The following HMGCLL1 variants were observed in gnomAD, a reference collection of about 807,000 sequenced individuals.
HMGCLL1 encodes the protein 3-hydroxymethyl-3-methylglutaryl-CoA lyase, cytoplasmic.
Under a neutral mutation model 39.1 loss-of-function variants are expected in HMGCLL1, and 36 were observed. That is an observed-to-expected ratio of 0.92 (90% CI 0.71 to 1.22). HMGCLL1 has a LOEUF of 1.22. HMGCLL1 is among the 50% of genes most tolerant of loss of function. HMGCLL1 has a pLI of 0.00. For synonymous variants in HMGCLL1, 149 were observed against 144.0 expected (o/e 1.03, Z -0.25); for missense variants, 451 against 416.5 (o/e 1.08, Z -0.72).
the HMGCLL1 span, among the ~76,000 whole-genome samples, chr6:55,672,262 G>C: frequency 1.3e-5 from 2 of 151,638 alleles, no homozygotes; most frequent in Non-Finnish European, 3.0e-5. Context: ...TAAAATTACT[G>C]ATTGCTTAAA....
intron 4 of HMGCLL1, among the ~76,000 whole-genome samples, chr6:55,515,407 G>T (rs925247120): frequency 5.3e-5 from 8 of 151,974 alleles, no homozygotes; most frequent in Non-Finnish European, 1.2e-4. Flanking sequence ...TCTACTATTT[G>T]TCTGTACTGT....
At chr6:55,534,427 A>T (rs1396310514) in intron 3 of HMGCLL1, among the ~76,000 whole-genome samples, 2 of 152,226 alleles carry the variant, frequency 1.3e-5, no homozygotes, top group African/African-American at 4.8e-5. Context: ...GTAATGCTAT[A>T]AAATTTACAA....
intron 7 of HMGCLL1, among the ~76,000 whole-genome samples, chr6:55,486,720 T>C (rs749105721): frequency 1.3e-5 from 2 of 152,180 alleles, no homozygotes; most frequent in Admixed American, 6.6e-5. Flanking sequence ...CTCTCTCATA[T>C]GATTCTTCCA....
At chr6:55,638,407 C>CAAAAAAAAAAAAAAAAA in the HMGCLL1 span, among the ~76,000 whole-genome samples, 1 of 132,772 alleles carries the variant, frequency 7.5e-6, no homozygotes, top group African/African-American at 2.8e-5. Context: ...AACTCAGTCT[C>CAAAAAAAAAAAAAAAAA]AAAAAAAAAA....
At chr6:55,510,914 T>C (rs965587852) in intron 5 of HMGCLL1, among the ~76,000 whole-genome samples, 1 of 151,620 alleles carries the variant, frequency 6.6e-6, no homozygotes, top group Admixed American at 6.6e-5. Context: ...CTTTTTAAAT[T>C]AATACTCTCA....
chr6:55,651,491 C>T, the HMGCLL1 span, among the ~76,000 whole-genome samples: 5 of 152,194 alleles, frequency 3.3e-5, no homozygotes, highest in East Asian at 9.7e-4. Context: ...CTTCATTATC[C>T]TCTTCTTAAG....
At chr6:55,449,490 G>A (rs1334111126) in intron 7 of HMGCLL1, among the ~76,000 whole-genome samples, 4 of 152,176 alleles carry the variant, frequency 2.6e-5, no homozygotes, top group African/African-American at 9.7e-5. Context: ...AAATCAGTGA[G>A]AAACAAACAT....
At chr6:55,569,633 G>C (rs188336336) in intron 1 of HMGCLL1, among the ~76,000 whole-genome samples, 30 of 152,266 alleles carry the variant, frequency 2.0e-4, no homozygotes, top group African/African-American at 7.0e-4. Context: ...TGAGCTACTG[G>C]ATGTAAACAG....
intron 3 of HMGCLL1, among the ~76,000 whole-genome samples, chr6:55,528,393 A>C (rs1561938886): frequency 6.6e-6 from 1 of 152,082 alleles, no homozygotes; most frequent in Non-Finnish European, 1.5e-5. Context: ...AAATTCAGTA[A>C]TGAGAAAAAA....
chr6:55,474,795 T>C (rs1213739024), intron 7 of HMGCLL1, among the ~76,000 whole-genome samples: 2 of 151,616 alleles, frequency 1.3e-5, no homozygotes, highest in Non-Finnish European at 3.0e-5. Context: ...AGGAGTTTGG[T>C]TGCATTTAAT....
chr6:55,582,136 G>T (rs1043013544), upstream of HMGCLL1, among the ~76,000 whole-genome samples: 1 of 152,160 alleles, frequency 6.6e-6, no homozygotes, highest in Non-Finnish European at 1.5e-5. Context: ...GTTGGTTCTA[G>T]ATTATCTATG....
At chr6:55,519,740 T>C (rs1283610769) in intron 3 of HMGCLL1, among the ~76,000 whole-genome samples, 1 of 152,122 alleles carries the variant, frequency 6.6e-6, no homozygotes, top group African/African-American at 2.4e-5. Flanking sequence ...ATTAGAGACA[T>C]ATGTATTCTC....
chr6:55,460,482 T>C (rs1764509836), intron 7 of HMGCLL1, among the ~76,000 whole-genome samples: 1 of 152,028 alleles, frequency 6.6e-6, no homozygotes, highest in East Asian at 1.9e-4. Context: ...CGCATCTTTA[T>C]AAACATTATA....
At chr6:55,543,477 A>ATATATGATATATATCAT (rs1491502924) in intron 1 of HMGCLL1, among the ~76,000 whole-genome samples, 1 of 10,068 alleles carries the variant, frequency 9.9e-5, no homozygotes, top group African/African-American at 1.8e-4. Flanking sequence ...TATCATATAT[A>ATATATGATATATATCAT]ATATATATAT....
the HMGCLL1 span, among the ~76,000 whole-genome samples, chr6:55,595,999 T>C: frequency 3.3e-5 from 5 of 152,204 alleles, no homozygotes; most frequent in Non-Finnish European, 5.9e-5. Context: ...TTGTAAAAGA[T>C]GTATCTACAT....
At chr6:55,662,553 G>A in the HMGCLL1 span, among the ~76,000 whole-genome samples, 1 of 151,770 alleles carries the variant, frequency 6.6e-6, no homozygotes, top group Non-Finnish European at 1.5e-5. Flanking sequence ...TGGTGGAGTA[G>A]CTTTTTGACA....
intron 7 of HMGCLL1, among the ~76,000 whole-genome samples, chr6:55,489,627 T>C (rs1766212463): frequency 6.6e-6 from 1 of 152,022 alleles, no homozygotes; most frequent in African/African-American, 2.4e-5. Flanking sequence ...TTGTACTGAT[T>C]TTAAACTTGC....
chr6:55,438,197 T>TA (rs1480861101), intron 8 of HMGCLL1, among the ~76,000 whole-genome samples: 1 of 152,080 alleles, frequency 6.6e-6, no homozygotes, highest in Non-Finnish European at 1.5e-5. Flanking sequence ...TATAAATGAT[T>TA]AAGATACGAT....
chr6:55,524,046 G>A (rs9791308), intron 3 of HMGCLL1, among the ~76,000 whole-genome samples: 103,294 of 151,724 alleles, frequency 0.68, 35,211 homozygotes, highest in Admixed American at 0.72. Flanking sequence ...CTAAAATAAA[G>A]ACTATATCTG....
Sources: gnomAD v4.1 joint callset for allele counts (sites outside exome capture counted in the v4.1 genomes callset) on GRCh38, gnomAD v4.1.1 for gene constraint, MANE v1.5 for transcripts, NCBI Gene and HGNC (gene_info 2026-07-23, HGNC 2026-07-21) for gene names.